The following ZNF827 variants were observed in gnomAD, a reference collection of about 807,000 sequenced individuals.
ZNF827 encodes the protein zinc finger protein 827.
Under a neutral mutation model 102.4 loss-of-function variants are expected in ZNF827, and 13 were observed. The observed-to-expected ratio is 0.13, with a 90% CI of 0.08 to 0.20. The LOEUF is 0.20. Ranked by LOEUF, ZNF827 falls within the 10% of genes least tolerant of loss-of-function variation. The pLI is 1.00. For missense variants in ZNF827, 1,103 were observed against 1,344.4 expected (o/e 0.82, Z 2.81); for synonymous variants, 523 against 536.2 (o/e 0.98, Z 0.34).
Position 145,823,498 on chromosome 4 carries a change from T to C in ZNF827, c.2307A>G (p.Arg769=), listed in dbSNP as rs1743358028. The C allele has an allele frequency of 6.2e-7, 1 of 1,613,178 alleles. No homozygotes were observed. Among genetic ancestry groups the C allele is most frequent in the Non-Finnish European group, 8.5e-7 (1 of 1,179,854 alleles). Residue 769 remains arginine, a synonymous_variant, in exon 8 of 15, where the codon AGA becomes AGG. Transcript: ENST00000508784. ...TTGAATTGGAGGTGAATGGTGATTGTCTAAATGTGTCTTCTGAAAAGAAAG... is the reference window on the plus strand; with the variant it reads ...TTGAATTGGAGGTGAATGGTGATTGCCTAAATGTGTCTTCTGAAAAGAAAG... ...TSPFFSEDTF[R]QSPFTSNSKE...
At chr4:145,826,082 C>T (rs1743647333) in intron 7 of ZNF827, among the ~76,000 whole-genome samples, 1 of 152,212 alleles carries the variant, frequency 6.6e-6, no homozygotes, top group African/African-American at 2.4e-5. Context: ...ACCAAACACA[C>T]AGCTGCCATG....
At position 145,761,685 on chromosome 4, in the gene ZNF827, C is replaced by T; in HGVS notation, c.*18-87G>A. 1 of 827,992 alleles carries T rather than the reference C, an allele frequency of 1.2e-6. No homozygotes were observed. The highest frequency in any genetic ancestry group is 1.7e-6 in the Non-Finnish European group (1 of 599,402). The allele number at this position is 827,992 out of a possible 1,614,324, so 51.3% of individuals were successfully genotyped here. ...TCGCCGCCTCACCAGCCTTCCCTCACACCACCCCCCAGTGTCTGAGGCCTG... is the reference window on the plus strand; with the variant it reads ...TCGCCGCCTCACCAGCCTTCCCTCATACCACCCCCCAGTGTCTGAGGCCTG... On this transcript the variant is annotated intron_variant, in intron 14 of 14. Transcript: ENST00000508784. This position sits in a 1 kb window ranked among gnomAD's most constrained non-coding sequence, Gnocchi z 6.8.
At chr4:145,847,815 CA>C (rs1320500863) in intron 6 of ZNF827, among the ~76,000 whole-genome samples, 1 of 152,186 alleles carries the variant, frequency 6.6e-6, no homozygotes, top group Non-Finnish European at 1.5e-5. Context: ...AAAATTTAAA[CA>C]AAGATTTGCA....
intron 1 of ZNF827, among the ~76,000 whole-genome samples, chr4:145,935,868 G>C (rs958468951): frequency 6.6e-6 from 1 of 152,108 alleles, no homozygotes; most frequent in Non-Finnish European, 1.5e-5. Flanking sequence ...GCACGCTGCA[G>C]CTGCCCGACT....
At chr4:145,856,127 T>C (rs1747083643) in intron 5 of ZNF827, among the ~76,000 whole-genome samples, 3 of 152,170 alleles carry the variant, frequency 2.0e-5, no homozygotes, top group Admixed American at 2.0e-4. Flanking sequence ...CCCGAGTAGC[T>C]GGGATTACAG....
At chr4:145,919,125 C>T (rs777188316) in intron 1 of ZNF827, among the ~76,000 whole-genome samples, 1 of 151,988 alleles carries the variant, frequency 6.6e-6, no homozygotes, top group Non-Finnish European at 1.5e-5. Flanking sequence ...GGACTGGTGG[C>T]ATACTCTAGT....
rs374103362 is a variant in ZNF827 at position 145,903,115 on chromosome 4, G to A, written c.144C>T (p.Val48=). Residue 48 remains valine (V), a synonymous_variant, in exon 2 of 15, where the codon GTC becomes GTT. Coordinates refer to ENST00000508784, the MANE Select transcript of ZNF827 (RefSeq NM_001306215.2). ...CCAGAGACAACTTATAGTTCTCCTG[G>A]ACTTCCCCATAGGATGCTTCTGACG... The part of the protein sequence containing the change: ...ETPSEASYGE[V]QENYKLSLED... 1 of 1,614,194 alleles carries A rather than the reference G, an allele frequency of 6.2e-7. No individual in the cohort carries two copies. The highest frequency in any genetic ancestry group is 1.1e-5 in the South Asian group (1 of 91,072).
intron 8 of ZNF827, among the ~76,000 whole-genome samples, chr4:145,794,596 G>T (rs1241824058): frequency 6.6e-6 from 1 of 151,844 alleles, no homozygotes; most frequent in Admixed American, 6.6e-5. Flanking sequence ...CTGAGGCTGG[G>T]CGGGGTGGGG....
chr4:145,919,350 A>C (rs528258644), intron 1 of ZNF827, among the ~76,000 whole-genome samples: 1 of 152,234 alleles, frequency 6.6e-6, no homozygotes, highest in Non-Finnish European at 1.5e-5. Flanking sequence ...GTACTTGTTC[A>C]GATTTGTGGA....
chr4:145,917,559 T>C (rs1752745886), intron 1 of ZNF827, among the ~76,000 whole-genome samples: 1 of 152,036 alleles, frequency 6.6e-6, no homozygotes, highest in Non-Finnish European at 1.5e-5. Context: ...ACTGTTGCAC[T>C]GGCAATTGTT....
At chr4:145,771,671 C>T (rs1246198093) in intron 11 of ZNF827, among the ~76,000 whole-genome samples, 2 of 150,672 alleles carry the variant, frequency 1.3e-5, no homozygotes, top group African/African-American at 5.0e-5. Context: ...TCAGGTATCC[C>T]TTTAACATAA....
intron 5 of ZNF827, among the ~76,000 whole-genome samples, chr4:145,865,832 T>A (rs969276189): frequency 3.3e-5 from 5 of 152,190 alleles, no homozygotes; most frequent in Admixed American, 6.5e-5. Context: ...AGCAGCCACA[T>A]CTGCCCAACA....
At chr4:145,911,683 G>A (rs1429064133) in intron 1 of ZNF827, among the ~76,000 whole-genome samples, 4 of 152,136 alleles carry the variant, frequency 2.6e-5, no homozygotes, top group Admixed American at 6.5e-5. Context: ...CTAGTTAGAG[G>A]CCTAGAGAGG....
intron 3 of ZNF827, among the ~76,000 whole-genome samples, chr4:145,891,112 C>T (rs1044309376): frequency 1.2e-4 from 19 of 152,130 alleles, no homozygotes; most frequent in Non-Finnish European, 2.4e-4. Context: ...TAAATAATGT[C>T]AACAGCCAAA....
intron 7 of ZNF827, among the ~76,000 whole-genome samples, chr4:145,838,072 C>G (rs1346981334): frequency 6.6e-6 from 1 of 152,170 alleles, no homozygotes; most frequent in East Asian, 1.9e-4. Flanking sequence ...CCTCTGAGCC[C>G]AAGCCAAACC....
At chr4:145,934,201 T>C (rs1009755059) in intron 1 of ZNF827, among the ~76,000 whole-genome samples, 3 of 152,178 alleles carry the variant, frequency 2.0e-5, no homozygotes, top group Non-Finnish European at 4.4e-5. Context: ...TCAAAAATAG[T>C]GTAGGTTTAA....
intron 8 of ZNF827, among the ~76,000 whole-genome samples, chr4:145,801,454 A>G (rs1429942049): frequency 1.3e-5 from 2 of 152,212 alleles, no homozygotes; most frequent in African/African-American, 4.8e-5. Flanking sequence ...AAACCTTTCT[A>G]CATTCCATGG....
chr4:145,864,633 G>A (rs891793159), intron 5 of ZNF827, among the ~76,000 whole-genome samples: 1 of 151,786 alleles, frequency 6.6e-6, no homozygotes, highest in Non-Finnish European at 1.5e-5. Flanking sequence ...TTCTAGAAAA[G>A]CAGAATACTG....
intron 5 of ZNF827, among the ~76,000 whole-genome samples, chr4:145,865,060 C>T (rs185095542): frequency 6.6e-6 from 1 of 152,170 alleles, no homozygotes; most frequent in African/African-American, 2.4e-5. Context: ...TTAGAAGAGT[C>T]TCCAACATGG....
Sources: allele counts gnomAD v4.1 joint callset (sites outside exome capture counted in the v4.1 genomes callset), GRCh38; gene constraint gnomAD v4.1.1; non-coding constraint Gnocchi (gnomAD v3.1); transcripts MANE v1.5; gene names NCBI Gene and HGNC (gene_info 2026-07-23, HGNC 2026-07-21).